The following BLM variants were observed in gnomAD, a reference collection of about 807,000 sequenced individuals.
The protein encoded by BLM is recQ-like DNA helicase BLM.
A neutral mutation model predicts 135.3 loss-of-function variants in BLM; 95 were observed. The ratio of observed to expected loss-of-function variants is 0.70; its 90% confidence interval spans 0.59 to 0.83. BLM has a LOEUF of 0.83. Among genes scored for constraint, BLM ranks in the 40% least tolerant of loss-of-function variants. BLM has a pLI of 0.00. For missense variants in BLM, 1,518 were observed against 1,663.9 expected, an observed-to-expected ratio of 0.91 and a Z score of 1.53; for synonymous variants, 520 against 589.2, an observed-to-expected ratio of 0.88 and a Z score of 1.70.
intron 7 of BLM, among the ~76,000 whole-genome samples, chr15:90,762,729 G>A (rs1024329769): frequency 1.3e-5 from 2 of 151,804 alleles, no homozygotes; most frequent in African/African-American, 4.8e-5. Flanking sequence ...AGAAGAGGAA[G>A]GAAAGAATAA....
chr15:90,724,655 T>C (rs901733883), intron 1 of BLM, among the ~76,000 whole-genome samples: 1 of 152,146 alleles, frequency 6.6e-6, no homozygotes, highest in Non-Finnish European at 1.5e-5. Flanking sequence ...TATCAGCTTA[T>C]TATAAACAAC....
rs1021536606 is a variant in BLM, at chr15:90,735,478, T to G, written c.-4-11911T>G. ...TGCAAAGCTTCTATCATGATAATAT[T>G]GTGGTATAGACCAATGGTATAGAAT... On this transcript the variant is annotated intron_variant, in intron 1 of 21. Transcript: ENST00000355112. 3.3e-5 allele frequency among the ~76,000 whole-genome samples: 5 copies of G among 152,000 alleles called. No homozygotes were observed. The South Asian group carries it at 8.3e-4, about 25-fold the overall frequency.
At chr15:90,735,013 C>T (rs1043819597) in intron 1 of BLM, among the ~76,000 whole-genome samples, 1 of 151,402 alleles carries the variant, frequency 6.6e-6, no homozygotes, top group Non-Finnish European at 1.5e-5. Flanking sequence ...TAAGAATATG[C>T]AAAAATCAGT....
Position 90,815,118 on chromosome 15 carries a change from A to G in BLM, c.4093A>G (p.Arg1365Gly), listed in dbSNP as rs759982203. Residue 1365 changes from arginine to glycine, a missense_variant, in exon 22 of 22, where the codon AGA (arginine) becomes GGA (glycine). Transcript: ENST00000355112. This position sits in a 1 kb window ranked among gnomAD's most constrained non-coding sequence, Gnocchi z 4.6. Reference sequence around the variant, plus strand: ...ACATTTCAGGGGGTCTGCCACATGTAGAAAGATATCTTCCAAAACGAAATC... The same window carrying G: ...ACATTTCAGGGGGTCTGCCACATGTGGAAAGATATCTTCCAAAACGAAATC... ...SKAKGGSATC[R>G]KISSKTKSSS... 2 of 1,614,016 alleles carry G rather than the reference A, an allele frequency of 1.2e-6. No individual in the cohort carries two copies. The highest frequency in any genetic ancestry group is 1.3e-5 in the African/African-American group (1 of 74,914).
Position 90,815,542 on chromosome 15 carries a change from A to G in BLM, c.*263A>G, listed in dbSNP as rs1166987754. ...AGCAGCTGAATCATCTCAGTGCAAGAGCTTCTGAGCATAACACGAAACCCA... is the reference window on the plus strand; with the variant it reads ...AGCAGCTGAATCATCTCAGTGCAAGGGCTTCTGAGCATAACACGAAACCCA... On this transcript the variant is annotated 3_prime_UTR_variant, in exon 22 of 22. Coordinates refer to ENST00000355112, the MANE Select transcript of BLM (RefSeq NM_000057.4). This position sits in a 1 kb window ranked among gnomAD's most constrained non-coding sequence, Gnocchi z 4.6. The G allele has an allele frequency of 2.1e-6, 1 of 479,698 alleles. No homozygotes were observed. The highest frequency in any genetic ancestry group is 2.0e-5 in the African/African-American group (1 of 51,158). 29.7% of individuals were successfully genotyped at this position (479,698 alleles called of 1,614,324 possible). A position where few individuals can be genotyped will look rare whatever the true frequency, so the allele number is the denominator to read the frequency against.
intron 19 of BLM, among the ~76,000 whole-genome samples, chr15:90,808,186 T>A (rs373821656): frequency 1.3e-5 from 2 of 152,326 alleles, no homozygotes; most frequent in East Asian, 3.9e-4. Context: ...GGTCTACATT[T>A]CTTCCTGCCT....
At chr15:90,728,062 G>A (rs907416855) in intron 1 of BLM, among the ~76,000 whole-genome samples, 1 of 151,988 alleles carries the variant, frequency 6.6e-6, no homozygotes, top group African/African-American at 2.4e-5. Context: ...TTTTGAGACA[G>A]GGTCTTGCTC....
At chr15:90,751,197 T>G (rs751126079) in intron 3 of BLM, among the ~76,000 whole-genome samples, 5 of 152,176 alleles carry the variant, frequency 3.3e-5, no homozygotes, top group Non-Finnish European at 7.3e-5. Flanking sequence ...GAGAGTAAAA[T>G]TTTTAAACCC....
intron 1 of BLM, among the ~76,000 whole-genome samples, chr15:90,732,207 A>T (rs567291111): frequency 6.6e-6 from 1 of 152,210 alleles, no homozygotes; most frequent in South Asian, 2.1e-4. Flanking sequence ...ATTCACAAGT[A>T]TATTTCTTGA....
At chr15:90,762,181 C>T (rs554241710) in intron 7 of BLM, among the ~76,000 whole-genome samples, 14 of 152,250 alleles carry the variant, frequency 9.2e-5, no homozygotes, top group Admixed American at 7.9e-4. Context: ...GCCAGAGCTC[C>T]GTGAGTACCT....
chr15:90,758,419 G>A (rs1303641094), intron 5 of BLM, among the ~76,000 whole-genome samples: 6 of 152,174 alleles, frequency 3.9e-5, no homozygotes, highest in Admixed American at 1.3e-4. Flanking sequence ...CCGGGGAAAC[G>A]GAGGTTGCAG....
chr15:90,795,843 G>C (rs1203079816), intron 16 of BLM, among the ~76,000 whole-genome samples: 1 of 152,256 alleles, frequency 6.6e-6, no homozygotes, highest in African/African-American at 2.4e-5. Context: ...GGAATGGGTA[G>C]AGTGCAGGAT....
intron 21 of BLM, among the ~76,000 whole-genome samples, chr15:90,814,532 G>A (rs559625889): frequency 7.3e-4 from 111 of 152,110 alleles, no homozygotes; most frequent in Non-Finnish European, 1.3e-3. Context: ...TGCTGGACAC[G>A]GTCCTAACAG....
chr15:90,739,366 AC>A (rs1895304194), intron 1 of BLM, among the ~76,000 whole-genome samples: 1 of 152,096 alleles, frequency 6.6e-6, no homozygotes, highest in Non-Finnish European at 1.5e-5. Context: ...GCGCCACTGC[AC>A]CCCAGCCTGG....
At chr15:90,775,654 G>T (rs1896457080) in intron 12 of BLM, among the ~76,000 whole-genome samples, 1 of 151,790 alleles carries the variant, frequency 6.6e-6, no homozygotes, top group Non-Finnish European at 1.5e-5. Flanking sequence ...TGGGACTACA[G>T]GCACTTGCCG....
At chr15:90,773,473 A>G (rs1441285190) in intron 12 of BLM, among the ~76,000 whole-genome samples, 2 of 150,366 alleles carry the variant, frequency 1.3e-5, no homozygotes, top group Admixed American at 6.6e-5. Context: ...TAAAATTTAC[A>G]TACCATAAAA....
At chr15:90,792,188 C>T (rs901939215) in intron 15 of BLM, among the ~76,000 whole-genome samples, 2 of 151,816 alleles carry the variant, frequency 1.3e-5, no homozygotes, top group Non-Finnish European at 2.9e-5. Context: ...CCACTGCAAC[C>T]TCTGCCTCCC....
chr15:90,783,494 A>G (rs1328304725), intron 13 of BLM, among the ~76,000 whole-genome samples: 1 of 152,202 alleles, frequency 6.6e-6, no homozygotes, highest in Non-Finnish European at 1.5e-5. Flanking sequence ...CTTCATGTGT[A>G]TATCTAGACC....
chr15:90,745,989 G>T (rs1895492220), intron 1 of BLM, among the ~76,000 whole-genome samples: 1 of 152,036 alleles, frequency 6.6e-6, no homozygotes, highest in African/African-American at 2.4e-5. Context: ...GAGGTGGGAG[G>T]ATCACTTGAG....
Sources: gnomAD v4.1 joint callset for allele counts (sites outside exome capture counted in the v4.1 genomes callset) on GRCh38, gnomAD v4.1.1 for gene constraint, Gnocchi (gnomAD v3.1) non-coding constraint, MANE v1.5 for transcripts, NCBI Gene and HGNC (gene_info 2026-07-23, HGNC 2026-07-21) for gene names.